The following ZNF440 variants were observed in gnomAD, a reference collection of about 807,000 sequenced individuals.
The protein encoded by ZNF440 is zinc finger protein 440.
A neutral mutation model predicts 49.7 loss-of-function variants in ZNF440; 47 were observed. The observed-to-expected ratio is 0.95, with a 90% CI of 0.75 to 1.21. The LOEUF is 1.21. Ranked by LOEUF, ZNF440 falls within the 50% of genes most tolerant of loss-of-function variation. The probability of loss-of-function intolerance (pLI) is 0.00; values close to 1 mark genes in which losing one functional copy is unlikely to be tolerated. For missense variants in ZNF440, 703 were observed against 715.0 expected (o/e 0.98, Z 0.19); for synonymous variants, 255 against 237.7 (o/e 1.07, Z -0.67).
rs1384720420 is a variant in ZNF440 at position 11,833,513 on chromosome 19, G to A, written c.*549G>A. 5 of 303,438 alleles carry A rather than the reference G, an allele frequency of 1.6e-5. No homozygotes were observed. In the East Asian group the frequency reaches 4.7e-4, roughly 28 times the overall value. 18.8% of individuals were successfully genotyped at this position (303,438 alleles called of 1,614,324 possible). On this transcript the variant is annotated 3_prime_UTR_variant, in exon 4 of 4. Transcript: ENST00000304060. ...CTATGAATGCAAGCAATGTGGCAAAGCTTTCACTTCTTCCAGTTCTTTTCA... is the reference window on the plus strand; with the variant it reads ...CTATGAATGCAAGCAATGTGGCAAAACTTTCACTTCTTCCAGTTCTTTTCA...
At chr19:11,824,112 G>A (rs190551268) in intron 1 of ZNF440, among the ~76,000 whole-genome samples, 93 of 148,440 alleles carry the variant, frequency 6.3e-4, no homozygotes, top group African/African-American at 2.1e-3. Flanking sequence ...GAGCCTAAGA[G>A]TTCGAGGCTG....
At chr19:11,820,154 G>A (rs370385532) in intron 1 of ZNF440, among the ~76,000 whole-genome samples, 13 of 152,288 alleles carry the variant, frequency 8.5e-5, no homozygotes, top group African/African-American at 2.4e-4. Flanking sequence ...GGATGTCTTT[G>A]GGATGAGGTT....
rs1174192730 is a variant in ZNF440 at position 11,831,953 on chromosome 19, G to C, written c.777G>C (p.Gln259His). ...CTGGAGAAAAGCCTTATGAATATCA[G>C]GAGTGTGGGAAAGCATTTCATAGTC... ...THTGEKPYEY[Q>H]ECGKAFHSPR... Residue 259 changes from glutamine to histidine, a missense_variant, in exon 4 of 4, where the codon CAG becomes CAC. Coordinates refer to ENST00000304060, the MANE Select transcript of ZNF440 (RefSeq NM_152357.3). The C allele has an allele frequency of 1.2e-6, 2 of 1,613,914 alleles. No homozygotes were observed. The highest frequency in any genetic ancestry group is 1.7e-6 in the Non-Finnish European group (2 of 1,179,876).
At chr19:11,819,637 T>A (rs1187112339) in intron 1 of ZNF440, among the ~76,000 whole-genome samples, 1 of 152,212 alleles carries the variant, frequency 6.6e-6, no homozygotes, top group African/African-American at 2.4e-5. Flanking sequence ...TGGCCTCAAG[T>A]GATCCGTTCG....
rs1975971742 is a variant in ZNF440, at chr19:11,832,910, C to A, written c.1734C>A (p.Asn578Lys). The A allele has an allele frequency of 2.5e-6, 4 of 1,610,436 alleles. No individual in the cohort carries two copies. The Admixed American group carries it at 5.0e-5, about 20-fold the overall frequency. ...CTATGCATGTAAGGAATGTGGGAAA[C>A]CCTTCGGATCTGCCCAGAACCTTCG... ...RSPMHVRNVG[N>K]PSDLPRTFEF... Residue 578 changes from asparagine (N) to lysine (K), a missense_variant, in exon 4 of 4, where the codon AAC becomes AAA. Coordinates refer to ENST00000304060, the MANE Select transcript of ZNF440 (RefSeq NM_152357.3).
At chr19:11,814,510 C>T (rs1599286380) in intron 1 of ZNF440, 60 bp downstream of exon 1, 3 of 1,429,056 alleles carry the variant, frequency 2.1e-6, no homozygotes, top group African/African-American at 1.5e-5. Flanking sequence ...CGGCCGGAAC[C>T]GGCTGAGGCG....
intron 1 of ZNF440, among the ~76,000 whole-genome samples, chr19:11,824,989 G>C (rs770768191): frequency 6.6e-6 from 1 of 151,804 alleles, no homozygotes; most frequent in Non-Finnish European, 1.5e-5. Context: ...TTACAGGCGT[G>C]AGCCACCGTA....
chr19:11,818,204 C>CA (rs113728959), intron 1 of ZNF440, among the ~76,000 whole-genome samples: 2,217 of 149,312 alleles, frequency 0.015, 51 homozygotes, highest in African/African-American at 0.052. Flanking sequence ...AACTCTGTCT[C>CA]AAAAAAAAAC....
intron 1 of ZNF440, 33 bp from the exon 2 acceptor site, chr19:11,830,250 C>T: frequency 6.2e-7 from 1 of 1,613,420 alleles, no homozygotes; most frequent in Non-Finnish European, 8.5e-7. Flanking sequence ...GTCACTCTCA[C>T]CCATCTTCTT....
At chr19:11,828,836 C>A (rs1195888402) in intron 1 of ZNF440, among the ~76,000 whole-genome samples, 1 of 152,000 alleles carries the variant, frequency 6.6e-6, no homozygotes, top group African/African-American at 2.4e-5. Context: ...AGGAAAGCGC[C>A]ATTACACCCG....
intron 1 of ZNF440, among the ~76,000 whole-genome samples, chr19:11,818,032 C>G (rs1975753968): frequency 6.6e-6 from 1 of 152,060 alleles, no homozygotes; most frequent in Admixed American, 6.6e-5. Context: ...GAAACCCTGT[C>G]TGTACTAAAA....
chr19:11,821,725 C>T (rs1168464525), intron 1 of ZNF440, among the ~76,000 whole-genome samples: 1 of 152,232 alleles, frequency 6.6e-6, no homozygotes, highest in African/African-American at 2.4e-5. Context: ...GCCAGCACGG[C>T]CCCTCTGTGG....
intron 1 of ZNF440, among the ~76,000 whole-genome samples, chr19:11,819,791 A>G (rs886845382): frequency 6.6e-6 from 1 of 152,232 alleles, no homozygotes; most frequent in Non-Finnish European, 1.5e-5. Flanking sequence ...TTAAGCATAA[A>G]TTTCATTTCC....
In ZNF440 at chr19:11,831,790, G is replaced by C; in HGVS notation, c.614G>C (p.Cys205Ser). ...GATGGACCTTATAAATGTAAGTTTT[G>C]TGGGAAAGCATTCCATTGTCTCAGA... The part of the protein sequence containing the change: ...SGDGPYKCKF[C>S]GKAFHCLRLY... Residue 205 changes from cysteine to serine, a missense_variant, in exon 4 of 4, where the codon TGT (cysteine) becomes TCT (serine). Physicochemically the swap from Cys to Ser is moderately radical, Grantham distance 112 (BLOSUM62 -1). Coordinates refer to ENST00000304060, the MANE Select transcript of ZNF440 (RefSeq NM_152357.3). 6.2e-7 allele frequency: 1 copy of C among 1,609,326 alleles called. No homozygotes were observed. The highest frequency in any genetic ancestry group is 8.5e-7 in the Non-Finnish European group (1 of 1,176,478).
rs563838987 is a variant in ZNF440, at chr19:11,818,135, G to A, written c.3+3685G>A. 1.6e-4 allele frequency among the ~76,000 whole-genome samples: 25 copies of A among 152,236 alleles called. 1 individual carries two copies. In the South Asian group the frequency reaches 5.2e-3, roughly 32 times the overall value. On this transcript the variant is annotated intron_variant, in intron 1 of 3. Coordinates refer to ENST00000304060, the MANE Select transcript of ZNF440 (RefSeq NM_152357.3). ...CAAGAGAATTGCTTGAACTTGGGAGGTGGAGGTGCAGTGAGCCGTGATTGT... is the reference window on the plus strand; with the variant it reads ...CAAGAGAATTGCTTGAACTTGGGAGATGGAGGTGCAGTGAGCCGTGATTGT...
intron 1 of ZNF440, among the ~76,000 whole-genome samples, chr19:11,823,970 T>TA (rs754318067): frequency 3.0e-4 from 42 of 140,788 alleles, no homozygotes; most frequent in Admixed American, 6.3e-4. Context: ...CTCAAAAAAA[T>TA]AAAAAAAAAA....
At chr19:11,824,652 T>C (rs1383363912) in intron 1 of ZNF440, among the ~76,000 whole-genome samples, 1 of 151,724 alleles carries the variant, frequency 6.6e-6, no homozygotes, top group Non-Finnish European at 1.5e-5. Flanking sequence ...ATTGGGCAGA[T>C]AATCCACAGA....
At chr19:11,821,341 G>C (rs10411612) in intron 1 of ZNF440, among the ~76,000 whole-genome samples, 2,191 of 152,236 alleles carry the variant, frequency 0.014, 52 homozygotes, top group African/African-American at 0.051. Flanking sequence ...GAGACTCCTA[G>C]TATACTCTGC....
chr19:11,815,223 G>C (rs983562533), intron 1 of ZNF440, among the ~76,000 whole-genome samples: 3 of 150,862 alleles, frequency 2.0e-5, no homozygotes, highest in Non-Finnish European at 4.4e-5. Flanking sequence ...CTTGCAGTGA[G>C]CCGAGATCGC....
Sources: gnomAD v4.1 joint callset for allele counts (sites outside exome capture counted in the v4.1 genomes callset) on GRCh38, gnomAD v4.1.1 for gene constraint, MANE v1.5 for transcripts, NCBI Gene and HGNC (gene_info 2026-07-23, HGNC 2026-07-21) for gene names.